Variants in MYOM1 observed in about 807,000 individuals in gnomAD.
MYOM1 encodes myomesin-1.
MYOM1 carries 164 observed loss-of-function variants against 205.3 expected under a neutral mutation model. The ratio of observed to expected loss-of-function variants is 0.80; its 90% CI spans 0.70 to 0.91. The LOEUF is 0.91. MYOM1 is among the 40% of genes least tolerant of loss of function. The pLI, the probability that MYOM1 is intolerant of heterozygous loss-of-function variation, is 0.00. For synonymous variants in MYOM1, 772 were observed against 789.4 expected, an observed-to-expected ratio of 0.98 and a Z score of 0.37; for missense variants, 2,011 against 2,127.3, an observed-to-expected ratio of 0.95 and a Z score of 1.08.
intron 25 of MYOM1, 129 bp downstream of exon 25, chr18:3,100,030 G>T: frequency 1.1e-6 from 1 of 921,474 alleles, no homozygotes; most frequent in Non-Finnish European, 1.7e-6. Context: ...TGTAGCTACT[G>T]ATGTGTGTTC....
chr18:3,117,659 CTT>C (rs913534834), intron 20 of MYOM1, among the ~76,000 whole-genome samples: 2 of 149,858 alleles, frequency 1.3e-5, no homozygotes. Flanking sequence ...TTTTCCTTTC[CTT>C]TTTTTTTTTT....
intron 34 of MYOM1, among the ~76,000 whole-genome samples, chr18:3,077,615 G>A (rs1277401070): frequency 6.6e-6 from 1 of 152,162 alleles, no homozygotes; most frequent in Non-Finnish European, 1.5e-5. Flanking sequence ...GGTGGCAGTG[G>A]CAATGCTGGT....
intron 25 of MYOM1, among the ~76,000 whole-genome samples, chr18:3,097,534 C>T (rs944143433): frequency 2.0e-5 from 3 of 152,098 alleles, no homozygotes; most frequent in Admixed American, 6.5e-5. Flanking sequence ...AGTGATCCTC[C>T]CGCCTCAGTC....
chr18:3,214,895 T>A (rs1010529429), intron 2 of MYOM1, 39 bp downstream of exon 2: 4 of 1,537,688 alleles, frequency 2.6e-6, no homozygotes, highest in Non-Finnish European at 3.5e-6. Flanking sequence ...ACACGCCTCT[T>A]CCTGAGGTTG....
chr18:3,243,992 G>A, the MYOM1 span, among the ~76,000 whole-genome samples: 2 of 152,088 alleles, frequency 1.3e-5, no homozygotes, highest in East Asian at 1.9e-4. Context: ...TAGTACTCCC[G>A]AAATAATTGA....
At chr18:3,165,059 C>T (rs2080448400) in intron 9 of MYOM1, among the ~76,000 whole-genome samples, 1 of 152,104 alleles carries the variant, frequency 6.6e-6, no homozygotes, top group African/African-American at 2.4e-5. Flanking sequence ...GTTACTGGAG[C>T]TGTTAAAAAA....
At chr18:3,163,833 G>GGTTTT (rs112483162) in intron 10 of MYOM1, among the ~76,000 whole-genome samples, 1 of 147,214 alleles carries the variant, frequency 6.8e-6, no homozygotes, top group Non-Finnish European at 1.5e-5. Flanking sequence ...TTTTTTTTTT[G>GGTTTT]GTTTTGTTTT....
Position 3,066,931 on chromosome 18 carries a change from T to C in MYOM1, c.*331A>G, listed in dbSNP as rs1232986912. On this transcript the variant is annotated 3_prime_UTR_variant, in exon 38 of 38. Coordinates refer to ENST00000356443, the MANE Select transcript of MYOM1 (RefSeq NM_003803.4). The stretch of plus-strand genomic sequence containing the variant: ...CGAGACACGGCCATGGCTTCACAGC[T>C]GCAGCAAATCCCAATTCGCCCCACG... 7.0e-6 allele frequency: 2 copies of C among 286,580 alleles called. No individual in the cohort carries two copies. The highest frequency in any genetic ancestry group is 9.2e-5 in the South Asian group (2 of 21,706). The allele number at this position is 286,580 out of a possible 1,614,324, so 17.8% of individuals were successfully genotyped here. A position where few individuals can be genotyped will look rare whatever the true frequency, so the allele number is the denominator to read the frequency against.
chr18:3,081,799 TG>T (rs2079089215), intron 33 of MYOM1, among the ~76,000 whole-genome samples: 1 of 152,246 alleles, frequency 6.6e-6, no homozygotes, highest in Non-Finnish European at 1.5e-5. Flanking sequence ...CTCATTTTTA[TG>T]ACTCAGGAAA....
chr18:3,102,073 C>T (rs2079385632), intron 23 of MYOM1, among the ~76,000 whole-genome samples: 1 of 144,344 alleles, frequency 6.9e-6, no homozygotes, highest in Admixed American at 7.3e-5. Flanking sequence ...GCGATCTCGG[C>T]TCACTGCAAG....
intron 13 of MYOM1, among the ~76,000 whole-genome samples, chr18:3,148,579 G>A (rs1312233444): frequency 2.0e-5 from 3 of 151,928 alleles, no homozygotes; most frequent in Admixed American, 6.6e-5. Context: ...CGGGCGCGGT[G>A]GCTCACGTCT....
At position 3,173,918 on chromosome 18, in the gene MYOM1, A is replaced by G. The variant is rs1237167615; in HGVS notation, c.1174+20T>C. 6.2e-7 allele frequency: 1 copy of G among 1,604,664 alleles called. No homozygotes were observed. Among genetic ancestry groups the G allele is most frequent in the Non-Finnish European group, 8.5e-7 (1 of 1,171,352 alleles). ...ATTTTACATAGAGGTGACACTTAGT[A>G]AATGTGTTTTTAAACTTACAGCTGA... is the stretch of plus-strand genomic sequence containing the variant. On this transcript the variant is annotated intron_variant, in intron 8 of 37. Coordinates refer to ENST00000356443, the MANE Select transcript of MYOM1 (RefSeq NM_003803.4).
chr18:3,134,915 A>C, intron 15 of MYOM1, 91 bp from the exon 16 acceptor site: 1 of 1,272,868 alleles, frequency 7.9e-7, no homozygotes, highest in Non-Finnish European at 1.1e-6. Flanking sequence ...GGTATTTTAC[A>C]CACTTCGTCA....
intron 2 of MYOM1, among the ~76,000 whole-genome samples, chr18:3,214,273 G>A (rs918351337): frequency 6.6e-6 from 1 of 152,272 alleles, no homozygotes; most frequent in East Asian, 1.9e-4. Flanking sequence ...GAAACATTCT[G>A]AGCGCAAGGA....
At chr18:3,077,815 T>TG (rs2079036863) in intron 34 of MYOM1, among the ~76,000 whole-genome samples, 1 of 152,178 alleles carries the variant, frequency 6.6e-6, no homozygotes, top group Middle Eastern at 3.2e-3. Context: ...CACTGTGCAC[T>TG]TGTGATGCAG....
intron 12 of MYOM1, among the ~76,000 whole-genome samples, chr18:3,151,435 AAATAAAATAAAATATAAAAT>A (rs1259260496): frequency 6.7e-6 from 1 of 149,256 alleles, no homozygotes; most frequent in Non-Finnish European, 1.5e-5. Context: ...TTTCTGAATA[AAATAAAATAAAATATAAAAT>A]AATAAAATAA....
At chr18:3,119,781 A>G in intron 20 of MYOM1, 88 bp downstream of exon 20, 4 of 1,499,536 alleles carry the variant, frequency 2.7e-6, no homozygotes, top group Non-Finnish European at 3.6e-6. Context: ...AATATTGACC[A>G]TATAGTACTT....
Position 3,124,490 on chromosome 18 carries a change from G to A in MYOM1, c.2991+2211C>T, listed in dbSNP as rs1479551053. 5.9e-5 allele frequency among the ~76,000 whole-genome samples: 9 copies of A among 151,342 alleles called. No individual in the cohort carries two copies. In the East Asian group the frequency reaches 7.8e-4, roughly 13 times the overall value. ...GAGCTGAGTGCCCGCCACCACGCCC[G>A]GCTAATTTTTTTGTATTTTTAGTAG... is the stretch of plus-strand genomic sequence containing the variant. On this transcript the variant is annotated intron_variant, in intron 19 of 37. Coordinates refer to ENST00000356443, the MANE Select transcript of MYOM1 (RefSeq NM_003803.4).
At chr18:3,143,900 C>CAAAAAAAAAAA (rs55830599) in intron 13 of MYOM1, among the ~76,000 whole-genome samples, 1 of 49,370 alleles carries the variant, frequency 2.0e-5, no homozygotes. Flanking sequence ...GACCCTGTCT[C>CAAAAAAAAAAA]AAAAAAAAAA....
Sources: allele counts gnomAD v4.1 joint callset (sites outside exome capture counted in the v4.1 genomes callset), GRCh38; gene constraint gnomAD v4.1.1; transcripts MANE v1.5; gene names NCBI Gene and HGNC (gene_info 2026-07-23, HGNC 2026-07-21).